The following TMEM178B variants were observed in gnomAD, a reference collection of about 807,000 sequenced individuals.
TMEM178B encodes transmembrane protein 178B.
Under a neutral mutation model 31.0 loss-of-function variants are expected in TMEM178B, and 5 were observed. The ratio of observed to expected loss-of-function variants is 0.16; its 90% CI spans 0.08 to 0.34. TMEM178B has a LOEUF of 0.34. Among genes scored for constraint, TMEM178B ranks in the 10% least tolerant of loss-of-function variants. The pLI is 1.00. For missense variants in TMEM178B, 275 were observed against 400.3 expected, an observed-to-expected ratio of 0.69 and a Z score of 2.67; for synonymous variants, 164 against 164.0, an observed-to-expected ratio of 1.00 and a Z score of 0.00.
intron 3 of TMEM178B, among the ~76,000 whole-genome samples, chr7:141,459,209 A>C (rs757361218): frequency 9.2e-5 from 14 of 152,114 alleles, no homozygotes; most frequent in Admixed American, 5.2e-4. Context: ...TTGTATTTTT[A>C]GTAGAGACAG....
intron 3 of TMEM178B, among the ~76,000 whole-genome samples, chr7:141,439,639 C>T (rs1020259161): frequency 7.9e-5 from 12 of 152,152 alleles, no homozygotes; most frequent in African/African-American, 2.7e-4. Flanking sequence ...CTCTAAGACT[C>T]TTTTGGATAT....
chr7:141,253,237 G>A (rs552583980), intron 2 of TMEM178B, among the ~76,000 whole-genome samples: 4 of 152,148 alleles, frequency 2.6e-5, no homozygotes, highest in African/African-American at 9.6e-5. Flanking sequence ...TCCCTTATTG[G>A]TTCCTTTAAT....
intron 2 of TMEM178B, among the ~76,000 whole-genome samples, chr7:141,404,590 G>C (rs73169557): frequency 1.6e-4 from 25 of 152,186 alleles, no homozygotes; most frequent in Non-Finnish European, 3.4e-4. Context: ...AGAGTAAGAG[G>C]CATTGGATTT....
chr7:141,386,008 C>T (rs557950301), intron 2 of TMEM178B, among the ~76,000 whole-genome samples: 5 of 152,306 alleles, frequency 3.3e-5, no homozygotes, highest in East Asian at 3.9e-4. Flanking sequence ...TTCTGTGAAG[C>T]GCTGGACTTG....
At chr7:141,358,027 G>A (rs1335234319) in intron 2 of TMEM178B, among the ~76,000 whole-genome samples, 1 of 152,118 alleles carries the variant, frequency 6.6e-6, no homozygotes, top group African/African-American at 2.4e-5. Flanking sequence ...CCTTTATCTA[G>A]AGCCCCAGTT....
At chr7:141,209,464 G>A (rs561559472) in intron 1 of TMEM178B, among the ~76,000 whole-genome samples, 4 of 152,318 alleles carry the variant, frequency 2.6e-5, no homozygotes, top group East Asian at 1.9e-4. Context: ...AATAAAAGCG[G>A]TTGGATTCTT....
chr7:141,369,923 A>G (rs1586917125), intron 2 of TMEM178B, among the ~76,000 whole-genome samples: 1 of 152,244 alleles, frequency 6.6e-6, no homozygotes, highest in Non-Finnish European at 1.5e-5. Flanking sequence ...AGAGAACAAT[A>G]TAAAAGCAAC....
At chr7:141,268,581 A>G (rs998484531) in intron 2 of TMEM178B, among the ~76,000 whole-genome samples, 7 of 152,244 alleles carry the variant, frequency 4.6e-5, no homozygotes, top group Non-Finnish European at 8.8e-5. Context: ...ATTAAAGGTG[A>G]CACAACTTTT....
At chr7:141,321,044 C>G (rs142664374) in intron 2 of TMEM178B, among the ~76,000 whole-genome samples, 1 of 152,178 alleles carries the variant, frequency 6.6e-6, no homozygotes, top group Non-Finnish European at 1.5e-5. Flanking sequence ...TTCACGGCCA[C>G]TGGTGGGATT....
intron 2 of TMEM178B, among the ~76,000 whole-genome samples, chr7:141,405,088 A>C (rs1288652865): frequency 1.3e-5 from 2 of 152,144 alleles, no homozygotes; most frequent in African/African-American, 4.8e-5. Context: ...TTTCATGCTA[A>C]TTTCTTCCAG....
intron 2 of TMEM178B, among the ~76,000 whole-genome samples, chr7:141,384,985 C>A (rs936173254): frequency 6.6e-6 from 1 of 152,126 alleles, no homozygotes; most frequent in South Asian, 2.1e-4. Flanking sequence ...TCTTCTATTT[C>A]TATTTCCACA....
chr7:141,370,505 T>TTTA (rs1297891878), intron 2 of TMEM178B, among the ~76,000 whole-genome samples: 1 of 152,200 alleles, frequency 6.6e-6, no homozygotes, highest in Non-Finnish European at 1.5e-5. Flanking sequence ...AAACAACGTG[T>TTTA]GATAAAGTGT....
At chr7:141,346,090 G>A (rs533936532) in intron 2 of TMEM178B, among the ~76,000 whole-genome samples, 13 of 151,938 alleles carry the variant, frequency 8.6e-5, no homozygotes, top group Middle Eastern at 3.4e-3. Context: ...GCGTGGTGGC[G>A]GGTGCCTGTA....
chr7:141,172,325 T>C (rs1796362751), intron 1 of TMEM178B, among the ~76,000 whole-genome samples: 1 of 152,218 alleles, frequency 6.6e-6, no homozygotes, highest in Non-Finnish European at 1.5e-5. Context: ...ATATTAATCA[T>C]GTTACATAGG....
chr7:141,106,107 G>GAA (rs1467188036), intron 1 of TMEM178B, among the ~76,000 whole-genome samples: 1 of 142,326 alleles, frequency 7.0e-6, no homozygotes, highest in African/African-American at 2.6e-5. Context: ...AAAAAGAAAA[G>GAA]AAAAAAGGGT....
At chr7:141,255,637 T>G (rs1319820560) in intron 2 of TMEM178B, among the ~76,000 whole-genome samples, 1 of 111,188 alleles carries the variant, frequency 9.0e-6, no homozygotes, top group East Asian at 2.7e-4. Context: ...TACATTATTC[T>G]TATTTTTCTA....
intron 2 of TMEM178B, among the ~76,000 whole-genome samples, chr7:141,283,590 G>A (rs1327557870): frequency 6.6e-6 from 1 of 152,010 alleles, no homozygotes; most frequent in Non-Finnish European, 1.5e-5. Context: ...GTGTCTTATT[G>A]CAAAGACAAA....
Position 141,411,936 on chromosome 7 carries a change from G to A in TMEM178B, c.497-25672G>A, listed in dbSNP as rs185861672. 2.5e-3 allele frequency among the ~76,000 whole-genome samples: 379 copies of A among 152,280 alleles called. 2 individuals are homozygous for A. Among genetic ancestry groups the A allele is most frequent in the Non-Finnish European group, 4.0e-3 (269 of 68,028 alleles). Reference sequence around the variant, plus strand: ...AGGCTTTTGTTGCAAGGATGCGAGGGAATGAAGGGTGCAGGGAAACCGTAT... The same window carrying A: ...AGGCTTTTGTTGCAAGGATGCGAGGAAATGAAGGGTGCAGGGAAACCGTAT... On this transcript the variant is annotated intron_variant, in intron 2 of 3. Coordinates refer to ENST00000565468, the MANE Select transcript of TMEM178B (RefSeq NM_001195278.2).
chr7:141,297,567 T>C (rs535439328), intron 2 of TMEM178B, among the ~76,000 whole-genome samples: 2 of 152,220 alleles, frequency 1.3e-5, no homozygotes, highest in Non-Finnish European at 2.9e-5. Flanking sequence ...CCAAGTGTTC[T>C]CATTGTTCAA....
Sources: allele counts gnomAD v4.1 joint callset (sites outside exome capture counted in the v4.1 genomes callset), GRCh38; gene constraint gnomAD v4.1.1; transcripts MANE v1.5; gene names NCBI Gene and HGNC (gene_info 2026-07-23, HGNC 2026-07-21).